Variants in ADCY8 observed in about 807,000 individuals in gnomAD.
ADCY8 encodes adenylate cyclase 8.
In ADCY8, 51 loss-of-function variants were observed where a neutral mutation model predicts 119.7. The ratio of observed to expected loss-of-function variants is 0.43; its 90% CI spans 0.34 to 0.54. The LOEUF is 0.54. Among genes scored for constraint, ADCY8 ranks in the 20% least tolerant of loss-of-function variants. The probability of loss-of-function intolerance (pLI) is 0.03; values close to 1 mark genes in which losing one functional copy is unlikely to be tolerated. For synonymous variants in ADCY8, 665 were observed against 651.0 expected (o/e 1.02, Z -0.33); for missense variants, 1,383 against 1,598.8 (o/e 0.87, Z 2.30).
intron 5 of ADCY8, among the ~76,000 whole-genome samples, chr8:130,928,391 T>A (rs948183997): frequency 4.6e-5 from 7 of 152,166 alleles, no homozygotes; most frequent in African/African-American, 1.4e-4. Flanking sequence ...TCTTATTGAG[T>A]ATGATATTAG....
At chr8:131,021,634 A>G (rs1223819364) in intron 1 of ADCY8, among the ~76,000 whole-genome samples, 2 of 152,166 alleles carry the variant, frequency 1.3e-5, no homozygotes, top group African/African-American at 4.8e-5. Context: ...AGTTACCTTC[A>G]TGATGTTCTC....
At chr8:130,930,497 C>T (rs1256484975) in intron 5 of ADCY8, among the ~76,000 whole-genome samples, 1 of 152,102 alleles carries the variant, frequency 6.6e-6, no homozygotes, top group African/African-American at 2.4e-5. Flanking sequence ...ACGATCCACC[C>T]ACCTCAGCCT....
intron 1 of ADCY8, among the ~76,000 whole-genome samples, chr8:131,018,428 C>T (rs1186848020): frequency 6.6e-6 from 1 of 152,222 alleles, no homozygotes; most frequent in African/African-American, 2.4e-5. Context: ...AGGTTGGCCA[C>T]ACTACCCTCC....
At chr8:130,891,617 A>C (rs114008192) in intron 7 of ADCY8, among the ~76,000 whole-genome samples, 2,313 of 152,296 alleles carry the variant, frequency 0.015, 57 homozygotes, top group African/African-American at 0.051. Flanking sequence ...TGAGGACCTC[A>C]GGGAGGAGAA....
chr8:130,819,169 G>A (rs1816433496), intron 13 of ADCY8, among the ~76,000 whole-genome samples: 1 of 152,174 alleles, frequency 6.6e-6, no homozygotes, highest in Admixed American at 6.5e-5. Context: ...AAGTCACATA[G>A]CTACTAAGTG....
chr8:130,935,831 C>T (rs954008091), intron 5 of ADCY8, among the ~76,000 whole-genome samples: 18 of 152,276 alleles, frequency 1.2e-4, no homozygotes, highest in African/African-American at 3.6e-4. Flanking sequence ...ATATCTTTTA[C>T]TGCAGGTGGG....
chr8:130,965,973 C>A (rs1329344289), intron 2 of ADCY8, among the ~76,000 whole-genome samples: 1 of 152,138 alleles, frequency 6.6e-6, no homozygotes, highest in African/African-American at 2.4e-5. Context: ...CCTCCAGAAC[C>A]CAACACAAGC....
chr8:130,825,353 A>T (rs1353224848), intron 12 of ADCY8, among the ~76,000 whole-genome samples: 1 of 152,210 alleles, frequency 6.6e-6, no homozygotes, highest in Non-Finnish European at 1.5e-5. Flanking sequence ...CTGATGTGTT[A>T]TACAACGCTG....
At chr8:130,874,354 T>TAAATAAAA (rs1300412408) in intron 8 of ADCY8, among the ~76,000 whole-genome samples, 3,923 of 135,634 alleles carry the variant, frequency 0.029, 71 homozygotes, top group Middle Eastern at 0.091. Flanking sequence ...AATAAATAAA[T>TAAATAAAA]AAAATACACC....
At chr8:131,034,960 T>C (rs1006333014) in intron 1 of ADCY8, among the ~76,000 whole-genome samples, 1 of 152,168 alleles carries the variant, frequency 6.6e-6, no homozygotes, top group Non-Finnish European at 1.5e-5. Flanking sequence ...GCAATTAAAA[T>C]AGAGTAAAAT....
chr8:130,970,727 T>C (rs1306880403), intron 2 of ADCY8, among the ~76,000 whole-genome samples: 1 of 152,140 alleles, frequency 6.6e-6, no homozygotes, highest in Non-Finnish European at 1.5e-5. Flanking sequence ...TGGAAAGCCA[T>C]TGGGGGTGTT....
intron 2 of ADCY8, among the ~76,000 whole-genome samples, chr8:130,972,512 GACA>G (rs975074016): frequency 6.6e-6 from 1 of 152,012 alleles, no homozygotes; most frequent in African/African-American, 2.4e-5. Context: ...CCAGAAATAG[GACA>G]ACATTTAAAA....
At chr8:130,981,665 A>G (rs1822244626) in intron 2 of ADCY8, among the ~76,000 whole-genome samples, 1 of 152,212 alleles carries the variant, frequency 6.6e-6, no homozygotes, top group African/African-American at 2.4e-5. Flanking sequence ...ACATGAGCAT[A>G]GGGTCATGAA....
intron 1 of ADCY8, among the ~76,000 whole-genome samples, chr8:131,038,328 G>A (rs1044617135): frequency 5.9e-5 from 9 of 152,088 alleles, no homozygotes; most frequent in Non-Finnish European, 1.2e-4. Context: ...ATACAAAGCA[G>A]CCCCCTGACC....
At position 130,814,313 on chromosome 8, in the gene ADCY8, G is replaced by A. The variant is rs141958955; in HGVS notation, c.2755-86C>T. ...CACAGACAACTGGGAGGCAGGAAAGGCTTCTCTGGAACTCTTCACAAATGA... is the reference window on the plus strand; with the variant it reads ...CACAGACAACTGGGAGGCAGGAAAGACTTCTCTGGAACTCTTCACAAATGA... On this transcript the variant is annotated intron_variant, in intron 13 of 17. Coordinates refer to ENST00000286355, the MANE Select transcript of ADCY8 (RefSeq NM_001115.3). 5 of 1,433,268 alleles carry A rather than the reference G, an allele frequency of 3.5e-6. No individual in the cohort carries two copies. The Admixed American group carries it at 5.6e-5, about 16-fold the overall frequency. 88.8% of individuals were successfully genotyped at this position (1,433,268 alleles called of 1,614,324 possible). A position where few individuals can be genotyped will look rare whatever the true frequency, so the allele number is the denominator to read the frequency against.
At chr8:131,029,373 A>C (rs1020264657) in intron 1 of ADCY8, among the ~76,000 whole-genome samples, 1 of 152,188 alleles carries the variant, frequency 6.6e-6, no homozygotes, top group African/African-American at 2.4e-5. Flanking sequence ...TCCCCCACCC[A>C]TGTCTGTGGA....
intron 3 of ADCY8, among the ~76,000 whole-genome samples, chr8:130,950,332 C>T (rs12545796): frequency 0.69 from 105,576 of 152,138 alleles, 40,407 homozygotes; most frequent in East Asian, 0.93. Flanking sequence ...CAGGCTTTAA[C>T]TTGAGATGCA....
In ADCY8 at chr8:130,805,536, G is replaced by T. The variant is rs140718538; in HGVS notation, c.2914-4964C>A. 1.8e-3 allele frequency among the ~76,000 whole-genome samples: 268 copies of T among 152,274 alleles called. 2 individuals carry two copies. Among genetic ancestry groups the T allele is most frequent in the African/African-American group, 5.9e-3 (246 of 41,558 alleles). On this transcript the variant is annotated intron_variant, in intron 14 of 17. Transcript: ENST00000286355. The stretch of plus-strand genomic sequence containing the variant: ...TTGATTCTGTGGTATCCTGCTGGAG[G>T]TTGGAGAAGTGGGAATAGGGTGGGC...
At chr8:130,802,630 T>C (rs1180377542) in intron 14 of ADCY8, among the ~76,000 whole-genome samples, 5 of 152,194 alleles carry the variant, frequency 3.3e-5, no homozygotes, top group African/African-American at 1.2e-4. Flanking sequence ...AACTCCCCAG[T>C]TGGATATGTG....
Sources: allele counts gnomAD v4.1 joint callset (sites outside exome capture counted in the v4.1 genomes callset), GRCh38; gene constraint gnomAD v4.1.1; transcripts MANE v1.5; gene names NCBI Gene and HGNC (gene_info 2026-07-23, HGNC 2026-07-21).